Variants in CRYBG1 observed in about 807,000 individuals in gnomAD.
The protein encoded by CRYBG1 is crystallin beta-gamma domain containing 1.
CRYBG1 carries 139 observed loss-of-function variants against 189.2 expected under a neutral mutation model. That is an observed-to-expected ratio of 0.73 (90% CI 0.64 to 0.85). CRYBG1 has a LOEUF of 0.85. CRYBG1 is among the 40% of genes least tolerant of loss of function. The probability of loss-of-function intolerance (pLI) is 0.00; values close to 1 mark genes in which losing one functional copy is unlikely to be tolerated. For synonymous variants in CRYBG1, 1,023 were observed against 1,017.1 expected (o/e 1.01, Z -0.11); for missense variants, 2,611 against 2,675.8 (o/e 0.98, Z 0.53).
At chr6:106,518,251 T>A (rs775198905) in intron 3 of CRYBG1, among the ~76,000 whole-genome samples, 4 of 152,218 alleles carry the variant, frequency 2.6e-5, no homozygotes, top group Non-Finnish European at 5.9e-5. Flanking sequence ...CAGTGATTTT[T>A]AAATATTATC....
chr6:106,557,194 A>G (rs1486653668), intron 17 of CRYBG1, among the ~76,000 whole-genome samples: 8 of 152,224 alleles, frequency 5.3e-5, no homozygotes, highest in Admixed American at 5.2e-4. Context: ...TAATACTACT[A>G]TAATTTTTGT....
intron 14 of CRYBG1, 43 bp downstream of exon 14, chr6:106,552,021 T>C: frequency 1.3e-6 from 2 of 1,542,758 alleles, no homozygotes; most frequent in Non-Finnish European, 1.8e-6. Context: ...AACTGAATTC[T>C]GGATTTCCTT....
intron 17 of CRYBG1, among the ~76,000 whole-genome samples, chr6:106,558,110 C>A (rs966852865): frequency 2.0e-5 from 3 of 152,096 alleles, no homozygotes; most frequent in Non-Finnish European, 4.4e-5. Context: ...ATGCCACAGC[C>A]CTCTGACCCT....
At position 106,568,585 on chromosome 6, in the gene CRYBG1, T is replaced by C; in HGVS notation, c.*19T>C. The C allele has an allele frequency of 8.5e-6, 13 of 1,530,028 alleles. No individual in the cohort carries two copies. Among genetic ancestry groups the C allele is most frequent in the African/African-American group, 1.4e-5 (1 of 73,176 alleles). 94.8% of individuals were successfully genotyped at this position (1,530,028 alleles called of 1,614,324 possible). ...TACCTGAACAAAGAAGGAAGAAGAA[T>C]CTTCTGGAGGTCCTTCCAGCCACCT... On this transcript the variant is annotated 3_prime_UTR_variant, in exon 22 of 22. Coordinates refer to ENST00000633556, the MANE Select transcript of CRYBG1 (RefSeq NM_001371242.2).
At chr6:106,540,782 G>C (rs958569981) in intron 9 of CRYBG1, among the ~76,000 whole-genome samples, 1 of 151,262 alleles carries the variant, frequency 6.6e-6, no homozygotes, top group East Asian at 1.9e-4. Flanking sequence ...AGCATCCTTG[G>C]TGGTACTTTT....
In CRYBG1 at chr6:106,519,807, G is replaced by A. The variant is rs781090997; in HGVS notation, c.2599G>A (p.Glu867Lys). 11 of 1,614,188 alleles carry A rather than the reference G, an allele frequency of 6.8e-6. No individual in the cohort carries two copies. The highest frequency in any genetic ancestry group is 9.3e-6 in the Non-Finnish European group (11 of 1,180,038). The change falls in exon 4 of 22, where the codon GAG becomes AAG. Residue 867 changes from glutamate to lysine, a missense_variant. Around this residue, in one of 3 missense-constraint regions of CRYBG1, gnomAD observed 1,622 missense variants for 1,735.0 expected, o/e 0.93. Transcript: ENST00000633556. ...ATTTTCTGACTCACAGTCCCCTGCT[G>A]AGTCATCTCCTGGGCCTTCTCTTTC... ...HTFSDSQSPA[E>K]SSPGPSLSLS...
In CRYBG1 at chr6:106,525,308, T is replaced by C. The variant is rs2114548004; in HGVS notation, c.4334T>C (p.Ile1445Thr). The C allele has an allele frequency of 1.2e-6, 2 of 1,614,164 alleles. No individual in the cohort carries two copies. The highest frequency in any genetic ancestry group is 8.5e-7 in the Non-Finnish European group (1 of 1,180,008). Residue 1445 changes from isoleucine (I) to threonine (T), a missense_variant, in exon 6 of 22, where the codon ATT (isoleucine) becomes ACT (threonine). This residue lies in a region of CRYBG1 where 1,622 missense variants were observed against 1,735.0 expected (regional missense o/e 0.93). Coordinates refer to ENST00000633556, the MANE Select transcript of CRYBG1 (RefSeq NM_001371242.2). ...YSEPDVSEKC[I>T]EVFSDIQDCS... ...GAACCCGACGTCTCTGAGAAGTGCA[T>C]TGAAGTTTTCAGTGACATTCAGGAT... is the stretch of plus-strand genomic sequence containing the variant.
intron 20 of CRYBG1, among the ~76,000 whole-genome samples, chr6:106,561,775 T>C (rs1479156777): frequency 1.3e-5 from 2 of 152,220 alleles, no homozygotes; most frequent in Non-Finnish European, 2.9e-5. Flanking sequence ...AAGTGTGTTA[T>C]TCTTCCCTTT....
chr6:106,521,711 C>T (rs202236076), intron 4 of CRYBG1, among the ~76,000 whole-genome samples: 204 of 72,158 alleles, frequency 2.8e-3, no homozygotes, highest in African/African-American at 8.5e-3. Context: ...GGCACATGAT[C>T]TTTTTTTTTT....
intron 2 of CRYBG1, among the ~76,000 whole-genome samples, chr6:106,488,125 A>G (rs915511682): frequency 6.6e-6 from 1 of 152,152 alleles, no homozygotes; most frequent in African/African-American, 2.4e-5. Flanking sequence ...ACTGCAGTCT[A>G]TGACTGTGGT....
chr6:106,418,755 A>T (rs7747082), intron 1 of CRYBG1, among the ~76,000 whole-genome samples: 7,862 of 152,250 alleles, frequency 0.052, 613 homozygotes, highest in African/African-American at 0.17. Flanking sequence ...TGCCAAGGAA[A>T]TCAAGGACAT....
At chr6:106,453,782 C>A (rs956241550) in intron 2 of CRYBG1, among the ~76,000 whole-genome samples, 7 of 152,156 alleles carry the variant, frequency 4.6e-5, no homozygotes, top group Admixed American at 2.0e-4. Flanking sequence ...GGGCATTGGG[C>A]TGCCCACAGG....
In CRYBG1 at chr6:106,512,595, A is replaced by G. The variant is rs747536478; in HGVS notation, c.1478A>G (p.Lys493Arg). ...GAGTCCAAGCCCAGCCCCGGTACCAAAGGGCAGCTCCGAGGGGAGTCGGAC... is the reference window on the plus strand; with the variant it reads ...GAGTCCAAGCCCAGCCCCGGTACCAGAGGGCAGCTCCGAGGGGAGTCGGAC... ...SPESKPSPGT[K>R]GQLRGESDRS... The change falls in exon 3 of 22, where the codon AAA becomes AGA. Residue 493 changes from lysine to arginine, a missense_variant. Lys to Arg is a conservative substitution (Grantham distance 26, BLOSUM62 2). Around this residue, in one of 3 missense-constraint regions of CRYBG1, gnomAD observed 985 missense variants for 924.4 expected, o/e 1.07. Transcript: ENST00000633556. The G allele has an allele frequency of 6.2e-6, 10 of 1,604,608 alleles. No individual in the cohort carries two copies. Among genetic ancestry groups the G allele is most frequent in the Non-Finnish European group, 8.5e-7 (1 of 1,176,454 alleles).
chr6:106,544,618 TAGA>T lies in CRYBG1; in HGVS notation c.5093_5095del (p.Glu1698del), dbSNP rs770770741. 6.2e-7 allele frequency: 1 copy of T among 1,613,918 alleles called. No homozygotes were observed. Among genetic ancestry groups the T allele is most frequent in the Non-Finnish European group, 8.5e-7 (1 of 1,179,928 alleles). On this transcript the variant is annotated inframe_deletion, in exon 12 of 22. Transcript: ENST00000633556. ...GGATTTACCGGTCATCAGTATTTGC[TAGA>T]AGAAGGAGAATACAGGGACTGGAAA...
chr6:106,532,741 G>T (rs991685594), intron 8 of CRYBG1, among the ~76,000 whole-genome samples: 7 of 152,014 alleles, frequency 4.6e-5, no homozygotes, highest in Admixed American at 3.3e-4. Flanking sequence ...TGTACATTTT[G>T]AGTTATATCA....
At chr6:106,422,577 C>A (rs1467757539) in intron 1 of CRYBG1, among the ~76,000 whole-genome samples, 1 of 70,064 alleles carries the variant, frequency 1.4e-5, no homozygotes. Flanking sequence ...AAGTAATCCA[C>A]CCCCCTCCCA....
chr6:106,551,898 C>A lies in CRYBG1; in HGVS notation c.5359C>A (p.Leu1787Met), dbSNP rs750066681. The A allele has an allele frequency of 1.9e-6, 3 of 1,611,744 alleles. No individual in the cohort carries two copies. The highest frequency in any genetic ancestry group is 2.2e-5 in the South Asian group (2 of 90,984). The change falls in exon 14 of 22, where the codon CTG becomes ATG. Residue 1787 changes from leucine to methionine, a missense_variant. Physicochemically the swap from Leu to Met is conservative, Grantham distance 15 (BLOSUM62 2). Coordinates refer to ENST00000633556, the MANE Select transcript of CRYBG1 (RefSeq NM_001371242.2). ...TGACTTCACAGGAGAACAGTATATA[C>A]TGGATAAAGGATTTTATACCAGTTT... ...NPDFTGEQYI[L>M]DKGFYTSFED... is the part of the protein sequence containing the mutation.
chr6:106,462,070 T>C (rs979046648), intron 2 of CRYBG1, among the ~76,000 whole-genome samples: 1 of 152,262 alleles, frequency 6.6e-6, no homozygotes, highest in African/African-American at 2.4e-5. Context: ...TATTTCAGTC[T>C]CATATATTTG....
chr6:106,464,470 G>A (rs1329543334), intron 2 of CRYBG1, among the ~76,000 whole-genome samples: 2 of 146,052 alleles, frequency 1.4e-5, no homozygotes, highest in Admixed American at 1.4e-4. Flanking sequence ...TTCAGCCTGG[G>A]CGACAGAGTG....
Sources: gnomAD v4.1 joint callset for allele counts (sites outside exome capture counted in the v4.1 genomes callset) on GRCh38, gnomAD v4.1.1 for gene constraint, gnomAD v4.1.1 regional missense constraint, MANE v1.5 for transcripts, NCBI Gene and HGNC (gene_info 2026-07-23, HGNC 2026-07-21) for gene names.